The following COA8 variants were observed in gnomAD, a reference collection of about 807,000 sequenced individuals.
COA8 encodes the protein UPF0671 protein C14orf153.
Under a neutral mutation model 22.0 loss-of-function variants are expected in COA8, and 20 were observed. That is an observed-to-expected ratio of 0.91 (90% CI 0.64 to 1.32). COA8 has a LOEUF of 1.32. Ranked by LOEUF, COA8 falls within the 40% of genes most tolerant of loss-of-function variation. The pLI is 0.00. For missense variants in COA8, 266 were observed against 230.0 expected, an observed-to-expected ratio of 1.16 and a Z score of -1.01; for synonymous variants, 105 against 79.9, an observed-to-expected ratio of 1.31 and a Z score of -1.68.
intron 4 of COA8, 49 bp downstream of exon 4, chr14:103,587,413 G>A (rs745452081): frequency 5.4e-6 from 7 of 1,304,230 alleles, no homozygotes; most frequent in Admixed American, 1.9e-5. Flanking sequence ...ATCCAGATTA[G>A]GTAGGAGTGT....
At chr14:103,579,283 A>T in intron 3 of COA8, 1 of 175,176 alleles carries the variant, frequency 5.7e-6, no homozygotes, top group Non-Finnish European at 1.2e-5. Context: ...TCCTCAGTTC[A>T]ACCAACCACA....
At chr14:103,587,508 C>CTTTTTTT (rs368240107) in intron 4 of COA8, 144 bp downstream of exon 4, 21 of 308,786 alleles carry the variant, frequency 6.8e-5, no homozygotes, top group Non-Finnish European at 7.0e-5. Flanking sequence ...TTCTTTTTTT[C>CTTTTTTT]TTTTTTTTTT....
Position 103,590,481 on chromosome 14 carries a change from C to A in COA8, c.*195C>A. The A allele has an allele frequency of 1.8e-6, 1 of 548,824 alleles. No individual in the cohort carries two copies. Among genetic ancestry groups the A allele is most frequent in the Non-Finnish European group, 3.2e-6 (1 of 309,800 alleles). 34.0% of individuals were successfully genotyped at this position (548,824 alleles called of 1,614,324 possible). On this transcript the variant is annotated 3_prime_UTR_variant, in exon 5 of 5. Coordinates refer to ENST00000409074, the MANE Select transcript of COA8 (RefSeq NM_001370595.2). ...CTGCCTGCTGATGTGGGCTCTAGGCCAGCTTGTTGTCACGTACGTGGTGTG... is the reference window on the plus strand; with the variant it reads ...CTGCCTGCTGATGTGGGCTCTAGGCAAGCTTGTTGTCACGTACGTGGTGTG...
intron 1 of COA8, chr14:103,563,446 T>C: frequency 2.2e-6 from 1 of 460,236 alleles, no homozygotes; most frequent in South Asian, 2.1e-5. Context: ...AGCTCTTGGC[T>C]TACCGTGCGT....
At chr14:103,587,618 C>T (rs1213471212) in intron 4 of COA8, among the ~76,000 whole-genome samples, 1 of 151,310 alleles carries the variant, frequency 6.6e-6, no homozygotes, top group Non-Finnish European at 1.5e-5. Context: ...CGCCATTCTC[C>T]TGCCTCAGCC....
At chr14:103,563,428 T>G in intron 1 of COA8, 1 of 521,448 alleles carries the variant, frequency 1.9e-6, no homozygotes, top group East Asian at 3.7e-5. Context: ...TATTTTTTAT[T>G]TTTAAAGAGC....
At chr14:103,583,567 GA>G (rs2076284147) in intron 3 of COA8, among the ~76,000 whole-genome samples, 1 of 116,452 alleles carries the variant, frequency 8.6e-6, no homozygotes, top group Non-Finnish European at 1.8e-5. Context: ...AAAAAAAAAA[GA>G]GTCTTTTTTC....
At chr14:103,587,506 TTC>T in intron 4 of COA8, 142 bp downstream of exon 4, 1 of 493,522 alleles carries the variant, frequency 2.0e-6, no homozygotes, top group Non-Finnish European at 3.5e-6. Context: ...TTTTCTTTTT[TTC>T]TTTTTTTTTT....
chr14:103,564,457 A>C (rs1022704591), intron 1 of COA8, among the ~76,000 whole-genome samples: 1 of 152,090 alleles, frequency 6.6e-6, no homozygotes. Context: ...CAAACGGGAA[A>C]TCAACCAAGA....
At chr14:103,573,543 T>C (rs1437173594) in intron 2 of COA8, among the ~76,000 whole-genome samples, 1 of 150,856 alleles carries the variant, frequency 6.6e-6, no homozygotes, top group African/African-American at 2.4e-5. Context: ...CTGTGGAGGG[T>C]TTTTTTTGTT....
chr14:103,579,840 G>A (rs1304940859), intron 3 of COA8, among the ~76,000 whole-genome samples: 1 of 150,684 alleles, frequency 6.6e-6, no homozygotes, highest in Non-Finnish European at 1.5e-5. Flanking sequence ...GCGTATGCCT[G>A]TAATCCCAGC....
At chr14:103,575,657 A>G (rs1322849706) in intron 3 of COA8, among the ~76,000 whole-genome samples, 1 of 152,196 alleles carries the variant, frequency 6.6e-6, no homozygotes, top group Non-Finnish European at 1.5e-5. Context: ...TCTCTCTGCA[A>G]TACAAATGTA....
chr14:103,582,386 T>C (rs2076274363), intron 3 of COA8, among the ~76,000 whole-genome samples: 1 of 151,724 alleles, frequency 6.6e-6, no homozygotes, highest in Admixed American at 6.6e-5. Flanking sequence ...CTCTCTTGCG[T>C]GTGGGTGAGC....
rs2076265172 is a variant in COA8 at position 103,581,218 on chromosome 14, G to A, written c.386-6056G>A. Among the ~76,000 whole-genome samples, 1 of 152,160 alleles carries A rather than the reference G, an allele frequency of 6.6e-6. No individual in the cohort carries two copies. Among genetic ancestry groups the A allele is most frequent in the Admixed American group, 6.6e-5 (1 of 15,262 alleles). The stretch of plus-strand genomic sequence containing the variant: ...ACTTTTCATTTTTAGCTATGATAAA[G>A]TTTATAAATTAGGCATGAGAGACTA... On this transcript the variant is annotated intron_variant, in intron 3 of 4. Transcript: ENST00000409074. The surrounding 1 kb of genome is among the most constrained non-coding windows in gnomAD (Gnocchi z 4.1).
At chr14:103,568,437 A>ATG (rs202157736) in intron 1 of COA8, among the ~76,000 whole-genome samples, 92 of 152,084 alleles carry the variant, frequency 6.0e-4, no homozygotes, top group African/African-American at 2.2e-3. Context: ...ATATGTATAT[A>ATG]TATATATACA....
intron 2 of COA8, among the ~76,000 whole-genome samples, chr14:103,573,241 C>T (rs2076202326): frequency 6.6e-6 from 1 of 151,976 alleles, no homozygotes; most frequent in South Asian, 2.1e-4. Flanking sequence ...ATGATCTCAG[C>T]TCACTGCAAC....
At chr14:103,564,939 A>G (rs549544560) in intron 1 of COA8, among the ~76,000 whole-genome samples, 16 of 151,038 alleles carry the variant, frequency 1.1e-4, no homozygotes, top group African/African-American at 3.9e-4. Flanking sequence ...AAGATGAGAG[A>G]CCTCTCTGCC....
rs755253849 is a variant in COA8, at chr14:103,587,287, A to G, written c.399A>G (p.Thr133=). 10 of 1,613,260 alleles carry G rather than the reference A, an allele frequency of 6.2e-6. No individual in the cohort carries two copies. The highest frequency in any genetic ancestry group is 8.5e-6 in the Non-Finnish European group (10 of 1,179,646). Residue 133 remains threonine (T), a synonymous_variant, in exon 4 of 5, where the codon ACA becomes ACG. Coordinates refer to ENST00000409074, the MANE Select transcript of COA8 (RefSeq NM_001370595.2). ...GLRTESGQKA[T]LNAEEMADFY... is the part of the protein sequence containing the mutation. The stretch of plus-strand genomic sequence containing the variant: ...ATTACCTTTCAGGTCAGAAAGCAAC[A>G]TTGAATGCAGAAGAAATGGCGGACT...
chr14:103,584,129 T>C (rs1007294181), intron 3 of COA8, among the ~76,000 whole-genome samples: 9 of 152,118 alleles, frequency 5.9e-5, no homozygotes, highest in African/African-American at 2.2e-4. Flanking sequence ...GTCAGCCTCC[T>C]GGGCTCAAGC....
Sources: gnomAD v4.1 joint callset for allele counts (sites outside exome capture counted in the v4.1 genomes callset) on GRCh38, gnomAD v4.1.1 for gene constraint, Gnocchi (gnomAD v3.1) non-coding constraint, MANE v1.5 for transcripts, NCBI Gene and HGNC (gene_info 2026-07-23, HGNC 2026-07-21) for gene names.